APPBP2: variants seen among roughly 807,000 people sequenced by gnomAD.
APPBP2 encodes the protein amyloid protein-binding protein 2.
Under a neutral mutation model 76.0 loss-of-function variants are expected in APPBP2, and 15 were observed. The ratio of observed to expected loss-of-function variants is 0.20; its 90% CI spans 0.13 to 0.30. APPBP2 has a LOEUF of 0.30. Ranked by LOEUF, APPBP2 falls within the 10% of genes least tolerant of loss-of-function variation. The probability of loss-of-function intolerance (pLI) is 1.00; values close to 1 mark genes in which losing one functional copy is unlikely to be tolerated. For missense variants in APPBP2, 401 were observed against 687.2 expected, an observed-to-expected ratio of 0.58 and a Z score of 4.66; for synonymous variants, 222 against 242.2, an observed-to-expected ratio of 0.92 and a Z score of 0.77.
chr17:60,514,570 T>C (rs2090947273), intron 1 of APPBP2, among the ~76,000 whole-genome samples: 1 of 152,248 alleles, frequency 6.6e-6, no homozygotes. Flanking sequence ...TCATTCTTTA[T>C]AAATGCACTA....
intron 2 of APPBP2, among the ~76,000 whole-genome samples, chr17:60,499,188 G>A (rs2090801637): frequency 6.6e-6 from 1 of 150,554 alleles, no homozygotes; most frequent in African/African-American, 2.4e-5. Flanking sequence ...AAAATTAGCT[G>A]GGTGTGATAG....
chr17:60,479,282 A>G lies in APPBP2; in HGVS notation c.380-11T>C. On this transcript the variant is annotated splice_polypyrimidine_tract_variant and intron_variant, in intron 3 of 12. Coordinates refer to ENST00000083182, the MANE Select transcript of APPBP2 (RefSeq NM_006380.5). ...CTGAAAGAAAGCCACCTAAAAAAAT[A>G]AGAAACACCAATTTTAGAAAACTTG... is the stretch of plus-strand genomic sequence containing the variant. The G allele has an allele frequency of 6.3e-7, 1 of 1,586,680 alleles. No individual in the cohort carries two copies. Among genetic ancestry groups the G allele is most frequent in the Non-Finnish European group, 8.5e-7 (1 of 1,173,130 alleles).
At chr17:60,495,634 C>T (rs545902028) in intron 2 of APPBP2, among the ~76,000 whole-genome samples, 15 of 151,994 alleles carry the variant, frequency 9.9e-5, no homozygotes, top group African/African-American at 3.4e-4. Context: ...CTGCACCCTG[C>T]TATAATTTTT....
chr17:60,495,117 T>C (rs1394016807), intron 2 of APPBP2, among the ~76,000 whole-genome samples: 1 of 149,152 alleles, frequency 6.7e-6, no homozygotes, highest in African/African-American at 2.6e-5. Flanking sequence ...CCCAAGTAGC[T>C]GGAACTACAG....
At chr17:60,448,174 G>C (rs1384354351) in intron 12 of APPBP2, among the ~76,000 whole-genome samples, 1 of 152,196 alleles carries the variant, frequency 6.6e-6, no homozygotes, top group Non-Finnish European at 1.5e-5. Flanking sequence ...CAGTCATGGT[G>C]GCTCACACCT....
intron 1 of APPBP2, among the ~76,000 whole-genome samples, chr17:60,524,510 A>T (rs2091034504): frequency 6.6e-6 from 1 of 150,542 alleles, no homozygotes; most frequent in Non-Finnish European, 1.5e-5. Flanking sequence ...ACCTAAATGA[A>T]TCTTCTCCAA....
rs1484854652 is a variant in APPBP2 at position 60,444,781 on chromosome 17, G to C, written c.*2800C>G. On this transcript the variant is annotated 3_prime_UTR_variant, in exon 13 of 13. Coordinates refer to ENST00000083182, the MANE Select transcript of APPBP2 (RefSeq NM_006380.5). The stretch of plus-strand genomic sequence containing the variant: ...CATGCGAGTGCTGACGGAGCTCCCT[G>C]ATGCACCCAACTGGAGTAGCACCGA... 1 of 152,538 alleles carries C rather than the reference G, an allele frequency of 6.6e-6. No homozygotes were observed. The highest frequency in any genetic ancestry group is 1.9e-4 in the East Asian group (1 of 5,194). 9.4% of individuals were successfully genotyped at this position (152,538 alleles called of 1,614,324 possible).
intron 12 of APPBP2, among the ~76,000 whole-genome samples, chr17:60,449,832 C>T (rs1204273277): frequency 6.6e-6 from 1 of 151,918 alleles, no homozygotes; most frequent in African/African-American, 2.4e-5. Context: ...TAGTCTTGCT[C>T]CGTCACACAG....
chr17:60,493,619 C>A (rs2090749081), intron 3 of APPBP2, among the ~76,000 whole-genome samples: 1 of 150,808 alleles, frequency 6.6e-6, no homozygotes, highest in African/African-American at 2.5e-5. Flanking sequence ...CAGGTGAGAA[C>A]CGCCATGCCC....
rs2090656385 is a variant in APPBP2, at chr17:60,484,408, C to A, written c.380-5137G>T. Among the ~76,000 whole-genome samples the A allele has an allele frequency of 3.3e-5, 5 of 152,168 alleles. No individual in the cohort carries two copies. The South Asian group carries it at 1.0e-3, about 32-fold the overall frequency. On this transcript the variant is annotated intron_variant, in intron 3 of 12. Coordinates refer to ENST00000083182, the MANE Select transcript of APPBP2 (RefSeq NM_006380.5). ...TTGTGTCCTCTTTTATTTTGTTGAG[C>A]AGTAGTTTGTAGTTCTCCTTGAAGA...
intron 8 of APPBP2, 68 bp from the exon 9 acceptor site, chr17:60,460,855 G>C (rs956003708): frequency 1.3e-6 from 2 of 1,492,964 alleles, no homozygotes; most frequent in Admixed American, 2.0e-5. Flanking sequence ...AAACATCCTA[G>C]TAATTTAAAT....
At chr17:60,451,740 A>T in intron 12 of APPBP2, 140 bp downstream of exon 12, 1 of 674,312 alleles carries the variant, frequency 1.5e-6, no homozygotes, top group Non-Finnish European at 2.4e-6. Context: ...CGGCCTCCCA[A>T]AGTGCTGGGA....
In APPBP2 at chr17:60,444,911, G is replaced by A. The variant is rs1354027534; in HGVS notation, c.*2670C>T. 1 of 152,272 alleles carries A rather than the reference G, an allele frequency of 6.6e-6. No homozygotes were observed. Among genetic ancestry groups the A allele is most frequent in the African/African-American group, 2.4e-5 (1 of 41,414 alleles). The allele number at this position is 152,272 out of a possible 1,614,324, so 9.4% of individuals were successfully genotyped here. The stretch of plus-strand genomic sequence containing the variant: ...TCCAGAAAAATCTTTAAGTTGGCCA[G>A]GGCTTCCTTACGCACCTCACCATAT... On this transcript the variant is annotated 3_prime_UTR_variant, in exon 13 of 13. Coordinates refer to ENST00000083182, the MANE Select transcript of APPBP2 (RefSeq NM_006380.5).
At chr17:60,460,003 A>T (rs949165703) in intron 9 of APPBP2, 1 of 152,200 alleles carries the variant, frequency 6.6e-6, no homozygotes, top group Non-Finnish European at 1.5e-5. Context: ...GCTCAGTTAT[A>T]TATTTAAAAA....
intron 6 of APPBP2, among the ~76,000 whole-genome samples, chr17:60,463,813 T>C (rs2090492025): frequency 6.6e-6 from 1 of 152,226 alleles, no homozygotes; most frequent in African/African-American, 2.4e-5. Flanking sequence ...ACTGGTTTTC[T>C]TGGTAAAGAA....
chr17:60,479,545 T>C (rs1163103498), intron 3 of APPBP2, among the ~76,000 whole-genome samples: 1 of 152,172 alleles, frequency 6.6e-6, no homozygotes, highest in Non-Finnish European at 1.5e-5. Context: ...TTCCAGCTAA[T>C]GAGCTAACTA....
At chr17:60,449,612 C>G (rs967315164) in intron 12 of APPBP2, among the ~76,000 whole-genome samples, 1 of 150,346 alleles carries the variant, frequency 6.7e-6, no homozygotes, top group African/African-American at 2.4e-5. Flanking sequence ...AAAACAAAAC[C>G]AAAAAAAAGT....
At chr17:60,478,168 C>A (rs1394480435) in intron 4 of APPBP2, among the ~76,000 whole-genome samples, 3 of 151,910 alleles carry the variant, frequency 2.0e-5, no homozygotes. Flanking sequence ...CTTTAGTTAC[C>A]TTACGATAAA....
At chr17:60,458,820 G>A (rs1384960223) in intron 9 of APPBP2, among the ~76,000 whole-genome samples, 6 of 149,042 alleles carry the variant, frequency 4.0e-5, no homozygotes, top group African/African-American at 9.9e-5. Context: ...CTGTCGCCAC[G>A]CTGGAGTGCA....
Sources: allele counts gnomAD v4.1 joint callset (sites outside exome capture counted in the v4.1 genomes callset), GRCh38; gene constraint gnomAD v4.1.1; transcripts MANE v1.5; gene names NCBI Gene and HGNC (gene_info 2026-07-23, HGNC 2026-07-21).